Variants in C8orf34 observed in about 807,000 individuals in gnomAD.
C8orf34 encodes chromosome 8 open reading frame 34, also known as uncharacterized protein C8orf34.
In C8orf34, 65 loss-of-function variants were observed where a neutral mutation model predicts 68.3. The ratio of observed to expected loss-of-function variants is 0.95; its 90% CI spans 0.78 to 1.17. The LOEUF (loss-of-function observed/expected upper bound fraction) is 1.17. Among genes scored for constraint, C8orf34 ranks in the 50% most tolerant of loss-of-function variants. The probability of loss-of-function intolerance (pLI) is 0.00; values close to 1 mark genes in which losing one functional copy is unlikely to be tolerated. For missense variants in C8orf34, 664 were observed against 655.4 expected, an observed-to-expected ratio of 1.01 and a Z score of -0.14; for synonymous variants, 244 against 241.2, an observed-to-expected ratio of 1.01 and a Z score of -0.11.
At chr8:68,661,359 A>G (rs763273365) in intron 8 of C8orf34, among the ~76,000 whole-genome samples, 1 of 152,022 alleles carries the variant, frequency 6.6e-6, no homozygotes, top group Non-Finnish European at 1.5e-5. Context: ...CATTTTACTC[A>G]CCTTTTCTTA....
chr8:68,471,525 A>T (rs1812376916), intron 4 of C8orf34, among the ~76,000 whole-genome samples: 1 of 152,138 alleles, frequency 6.6e-6, no homozygotes, highest in South Asian at 2.1e-4. Context: ...TGGAACCAGG[A>T]TGTAATTCAT....
chr8:68,785,847 T>C (rs1823830570), intron 11 of C8orf34, among the ~76,000 whole-genome samples: 1 of 152,194 alleles, frequency 6.6e-6, no homozygotes, highest in Non-Finnish European at 1.5e-5. Context: ...ACCACTCCAC[T>C]TCCAAACTTC....
At chr8:68,683,948 C>G (rs888543419) in intron 8 of C8orf34, among the ~76,000 whole-genome samples, 2 of 152,100 alleles carry the variant, frequency 1.3e-5, no homozygotes, top group Admixed American at 6.6e-5. Flanking sequence ...TGTGCTCACC[C>G]ACAAAACTCT....
chr8:68,781,778 T>C (rs1036017126), intron 11 of C8orf34, among the ~76,000 whole-genome samples: 1 of 152,212 alleles, frequency 6.6e-6, no homozygotes, highest in African/African-American at 2.4e-5. Context: ...ATTTGTACTA[T>C]CTTTATGATT....
chr8:68,737,179 G>A (rs1027659873), intron 10 of C8orf34, among the ~76,000 whole-genome samples: 3 of 152,074 alleles, frequency 2.0e-5, no homozygotes, highest in African/African-American at 7.2e-5. Flanking sequence ...GCCTAAGGCA[G>A]TATGCCCTTA....
At chr8:68,781,156 G>A (rs560417630) in intron 11 of C8orf34, among the ~76,000 whole-genome samples, 1 of 152,288 alleles carries the variant, frequency 6.6e-6, no homozygotes, top group African/African-American at 2.4e-5. Flanking sequence ...AGAAGTTTGA[G>A]CAAAGAAGTA....
At chr8:68,546,481 T>C (rs1349551556) in intron 7 of C8orf34, among the ~76,000 whole-genome samples, 1 of 151,330 alleles carries the variant, frequency 6.6e-6, no homozygotes, top group Non-Finnish European at 1.5e-5. Flanking sequence ...AGTTTCAAAA[T>C]ACATAAAGTA....
At chr8:68,500,282 C>T (rs542262571) in intron 5 of C8orf34, among the ~76,000 whole-genome samples, 21 of 152,146 alleles carry the variant, frequency 1.4e-4, no homozygotes, top group Non-Finnish European at 2.2e-4. Flanking sequence ...CATTGGAAAA[C>T]ACCAGTTGAG....
intron 3 of C8orf34, among the ~76,000 whole-genome samples, chr8:68,459,441 C>G (rs1811693443): frequency 1.3e-5 from 2 of 152,066 alleles, no homozygotes; most frequent in Admixed American, 6.6e-5. Flanking sequence ...CCATGTTGGC[C>G]AGGCTGGTCT....
intron 3 of C8orf34, chr8:68,448,027 C>G (rs1811194675): frequency 6.6e-6 from 1 of 152,102 alleles, no homozygotes; most frequent in South Asian, 2.1e-4. Context: ...GTCTCAGTAT[C>G]CCTTTTCATC....
chr8:68,463,785 C>T (rs140985236), intron 3 of C8orf34, among the ~76,000 whole-genome samples: 12,874 of 152,086 alleles, frequency 0.085, 832 homozygotes, highest in African/African-American at 0.17. Context: ...ATTGATGGGA[C>T]GTATCTCAAA....
chr8:68,527,243 G>A (rs1815038698), intron 6 of C8orf34, among the ~76,000 whole-genome samples: 2 of 152,032 alleles, frequency 1.3e-5, no homozygotes, highest in Non-Finnish European at 2.9e-5. Flanking sequence ...TATGTGCTTT[G>A]CATATTGTAA....
intron 8 of C8orf34, among the ~76,000 whole-genome samples, chr8:68,666,414 G>C (rs1195109392): frequency 6.6e-6 from 1 of 152,220 alleles, no homozygotes; most frequent in Non-Finnish European, 1.5e-5. Context: ...GACAACCTAA[G>C]TAGATATTGC....
chr8:68,446,022 C>A (rs1463070191), intron 2 of C8orf34, among the ~76,000 whole-genome samples: 1 of 152,146 alleles, frequency 6.6e-6, no homozygotes. Flanking sequence ...GAACTCCTGA[C>A]CTCAGGTGAT....
At chr8:68,484,168 T>C (rs2129631258) in intron 4 of C8orf34, among the ~76,000 whole-genome samples, 1 of 152,272 alleles carries the variant, frequency 6.6e-6, no homozygotes, top group South Asian at 2.1e-4. Flanking sequence ...AAGAGCAAGG[T>C]TGGGGAAGGT....
rs566866907 is a variant in C8orf34 at position 68,623,192 on chromosome 8, A to G, written c.1106-17184A>G. ...TACACAGTTGTTTGTCCCACACATT[A>G]AACACTTTCAAAAGAGTTGCCCAGT... On this transcript the variant is annotated intron_variant, in intron 7 of 13. Coordinates refer to ENST00000518698, the MANE Select transcript of C8orf34 (RefSeq NM_052958.4). Among the ~76,000 whole-genome samples, 4 of 152,182 alleles carry G rather than the reference A, an allele frequency of 2.6e-5. No homozygotes were observed. The South Asian group carries it at 8.3e-4, about 32-fold the overall frequency.
intron 10 of C8orf34, among the ~76,000 whole-genome samples, chr8:68,756,712 C>A (rs1254833635): frequency 1.3e-5 from 2 of 151,946 alleles, no homozygotes; most frequent in Non-Finnish European, 2.9e-5. Flanking sequence ...AAAGTATGTT[C>A]ATCAAAAGAA....
intron 1 of C8orf34, among the ~76,000 whole-genome samples, chr8:68,369,393 C>T (rs1296111101): frequency 6.6e-6 from 1 of 152,218 alleles, no homozygotes; most frequent in Non-Finnish European, 1.5e-5. Context: ...TAGTCCACCT[C>T]TATTTTATGA....
chr8:68,448,499 A>AT (rs1811213463), intron 3 of C8orf34, among the ~76,000 whole-genome samples: 1 of 152,272 alleles, frequency 6.6e-6, no homozygotes, highest in East Asian at 1.9e-4. Context: ...TTAAAGATGC[A>AT]TTTTTCATCT....
Sources: gnomAD v4.1 joint callset for allele counts (sites outside exome capture counted in the v4.1 genomes callset) on GRCh38, gnomAD v4.1.1 for gene constraint, MANE v1.5 for transcripts, NCBI Gene and HGNC (gene_info 2026-07-23, HGNC 2026-07-21) for gene names.